The following ZNF701 variants were observed in gnomAD, a reference collection of about 807,000 sequenced individuals.
ZNF701 encodes zinc finger protein 701.
A neutral mutation model predicts 7.1 loss-of-function variants in ZNF701; 6 were observed. That is an observed-to-expected ratio of 0.84 (90% CI 0.46 to 1.66). The LOEUF (loss-of-function observed/expected upper bound fraction) is 1.66. Ranked by LOEUF, ZNF701 falls within the 40% of genes most tolerant of loss-of-function variation. The pLI is 0.01. For synonymous variants in ZNF701, 166 were observed against 188.2 expected (o/e 0.88, Z 0.97); for missense variants, 541 against 559.2 (o/e 0.97, Z 0.33).
chr19:52,597,264 G>T, the ZNF701 span: 1 of 547,648 alleles, frequency 1.8e-6, no homozygotes, highest in South Asian at 1.4e-5. Flanking sequence ...TCACAAGTGT[G>T]ATGATTGTGG....
At position 52,583,692 on chromosome 19, in the gene ZNF701, G is replaced by A. The variant is rs1388130236; in HGVS notation, c.*235G>A. On this transcript the variant is annotated 3_prime_UTR_variant, in exon 4 of 4. Coordinates refer to ENST00000391785, the MANE Select transcript of ZNF701 (RefSeq NM_018260.3). ...GGCCCAACATACTGGAATTCACACT[G>A]GAAAGGAACTGTACAAGTGTAATGA... is the stretch of plus-strand genomic sequence containing the variant. The A allele has an allele frequency of 1.5e-5, 13 of 887,156 alleles. No individual in the cohort carries two copies. Among genetic ancestry groups the A allele is most frequent in the Non-Finnish European group, 2.3e-5 (12 of 526,706 alleles). The allele number at this position is 887,156 out of a possible 1,614,324, so 55.0% of individuals were successfully genotyped here.
At chr19:52,597,539 G>A in the ZNF701 span, 1 of 369,310 alleles carries the variant, frequency 2.7e-6, no homozygotes, top group Non-Finnish European at 5.3e-6. Flanking sequence ...TTACATTAAA[G>A]TGTTTATGTT....
intron 3 of ZNF701, among the ~76,000 whole-genome samples, chr19:52,578,922 T>C (rs963147575): frequency 6.6e-6 from 1 of 150,960 alleles, no homozygotes; most frequent in Non-Finnish European, 1.5e-5. Context: ...CGCGCCTGGC[T>C]AATTTTTTTG....
chr19:52,578,797 G>T (rs192851189), intron 3 of ZNF701, among the ~76,000 whole-genome samples: 5 of 152,076 alleles, frequency 3.3e-5, no homozygotes, highest in South Asian at 4.1e-4. Context: ...TTGCTCTGTC[G>T]CCCAGGCTGG....
chr19:52,583,341 C>T lies in ZNF701; in HGVS notation c.1282C>T (p.His428Tyr). ...VFNHKSNLAC[H>Y]RRLHTGEKPY... ...TAATCACAAATCAAACCTTGCATGT[C>T]ATCGTAGACTTCATACTGGAGAGAA... is the stretch of plus-strand genomic sequence containing the variant. The change falls in exon 4 of 4, where the codon CAT (histidine) becomes TAT (tyrosine). Residue 428 changes from histidine to tyrosine, a missense_variant. His to Tyr is a moderately conservative substitution (Grantham distance 83). Coordinates refer to ENST00000391785, the MANE Select transcript of ZNF701 (RefSeq NM_018260.3). 1 of 1,604,554 alleles carries T rather than the reference C, an allele frequency of 6.2e-7. No homozygotes were observed. The highest frequency in any genetic ancestry group is 8.5e-7 in the Non-Finnish European group (1 of 1,172,078).
chr19:52,589,098 T>C (rs2060026744), downstream of ZNF701, among the ~76,000 whole-genome samples: 2 of 152,188 alleles, frequency 1.3e-5, no homozygotes, highest in South Asian at 4.1e-4. Context: ...TCTTTTTGGA[T>C]TTGCTATTTC....
rs1284621236 is a variant in ZNF701 at position 52,586,761 on chromosome 19, G to C, written c.*3304G>C. On this transcript the variant is annotated 3_prime_UTR_variant, in exon 4 of 4. Coordinates refer to ENST00000391785, the MANE Select transcript of ZNF701 (RefSeq NM_018260.3). ...AGAAAAGCTCAGTCAGAGTGACACT[G>C]ACCCCTGAAATGATGGGCACAATGG... is the stretch of plus-strand genomic sequence containing the variant. 1 of 152,196 alleles carries C rather than the reference G, an allele frequency of 6.6e-6. No homozygotes were observed. Among genetic ancestry groups the C allele is most frequent in the African/African-American group, 2.4e-5 (1 of 41,432 alleles). The allele number at this position is 152,196 out of a possible 1,614,324, so 9.4% of individuals were successfully genotyped here. A position where few individuals can be genotyped will look rare whatever the true frequency, so the allele number is the denominator to read the frequency against.
At chr19:52,575,681 C>G (rs1339597209) in intron 2 of ZNF701, 1 of 381,038 alleles carries the variant, frequency 2.6e-6, no homozygotes, top group South Asian at 2.1e-5. Flanking sequence ...TTATTTCTAA[C>G]GTAAGCAATT....
Position 52,582,893 on chromosome 19 carries a change from A to G in ZNF701, c.834A>G (p.Thr278=), listed in dbSNP as rs766413206. Residue 278 remains threonine, a synonymous_variant, in exon 4 of 4, where the codon ACA becomes ACG. Transcript: ENST00000391785. ...ACACGTGTAATGAGTGTGGCAAGAC[A>G]TTCAGTCACAATTCAGCCCTGTTAG... ...NPYTCNECGK[T]FSHNSALLVH... is the part of the protein sequence containing the mutation. 7.4e-6 allele frequency: 12 copies of G among 1,612,832 alleles called. No homozygotes were observed. The East Asian group carries it at 2.2e-4, about 30-fold the overall frequency.
intron 3 of ZNF701, among the ~76,000 whole-genome samples, chr19:52,578,303 C>T (rs980260295): frequency 4.8e-5 from 7 of 147,018 alleles, no homozygotes; most frequent in African/African-American, 1.5e-4. Flanking sequence ...AAAACGCTAA[C>T]GTATGCTGCC....
intron 1 of ZNF701, among the ~76,000 whole-genome samples, chr19:52,571,764 A>G (rs908068016): frequency 6.6e-6 from 1 of 150,852 alleles, no homozygotes; most frequent in African/African-American, 2.4e-5. Context: ...TTTGAGATGC[A>G]CTTTCGCTCT....
At chr19:52,574,228 G>A in intron 2 of ZNF701, 66 bp downstream of exon 2, 1 of 1,590,904 alleles carries the variant, frequency 6.3e-7, no homozygotes, top group South Asian at 1.1e-5. Context: ...CTTGGAGTTG[G>A]GAATCTTCTC....
the ZNF701 span, among the ~76,000 whole-genome samples, chr19:52,593,865 C>A: frequency 8.7e-6 from 1 of 114,886 alleles, no homozygotes; most frequent in Non-Finnish European, 1.9e-5. Context: ...CTCCTCACAT[C>A]CCAGACGATG....
the ZNF701 span, chr19:52,598,752 TAAAA>T: frequency 6.7e-6 from 1 of 150,194 alleles, no homozygotes; most frequent in Non-Finnish European, 1.5e-5. Flanking sequence ...CTACTAAAAA[TAAAA>T]AAAAACAGCC....
chr19:52,592,337 C>G, the ZNF701 span: 1 of 1,151,574 alleles, frequency 8.7e-7, no homozygotes, highest in East Asian at 2.4e-5. Context: ...TTTTCATGTA[C>G]ATGTCATTGT....
At chr19:52,596,557 CT>C in the ZNF701 span, 1 of 400,104 alleles carries the variant, frequency 2.5e-6, no homozygotes, top group South Asian at 1.9e-5. Flanking sequence ...TGTGGCAAGG[CT>C]TTTAGTAGAA....
chr19:52,577,497 C>CAATCATTATT (rs56906307), intron 3 of ZNF701, among the ~76,000 whole-genome samples: 113,744 of 149,410 alleles, frequency 0.76, 44,260 homozygotes, highest in African/African-American at 0.91. Context: ...GGACAATTAT[C>CAATCATTATT]AATCATTAGC....
chr19:52,585,615 AAC>A lies in ZNF701; in HGVS notation c.*2159_*2160del, dbSNP rs1568508273. The A allele has an allele frequency of 6.6e-6, 1 of 151,746 alleles. No individual in the cohort carries two copies. The highest frequency in any genetic ancestry group is 2.4e-5 in the African/African-American group (1 of 41,326). The allele number at this position is 151,746 out of a possible 1,614,324, so 9.4% of individuals were successfully genotyped here. A position where few individuals can be genotyped will look rare whatever the true frequency, so the allele number is the denominator to read the frequency against. On this transcript the variant is annotated 3_prime_UTR_variant, in exon 4 of 4. Transcript: ENST00000391785. ...AAGCGGCGAAAGCAGAAATTTACTC[AAC>A]CAAGAAAGCACCCCACAGGGTGGGG...
Position 52,582,712 on chromosome 19 carries a change from A to T in ZNF701, c.653A>T (p.Asn218Ile), listed in dbSNP as rs2059983730. 1 of 1,614,100 alleles carries T rather than the reference A, an allele frequency of 6.2e-7. No individual in the cohort carries two copies. Among genetic ancestry groups the T allele is most frequent in the South Asian group, 1.1e-5 (1 of 91,084 alleles). Residue 218 changes from asparagine to isoleucine, a missense_variant, in exon 4 of 4, where the codon AAT becomes ATT. Coordinates refer to ENST00000391785, the MANE Select transcript of ZNF701 (RefSeq NM_018260.3). ...VHTREKSFQR[N>I]ESGKAFNGSS... The stretch of plus-strand genomic sequence containing the variant: ...ACAAGAGAAAAATCTTTCCAACGTA[A>T]TGAGAGTGGCAAAGCCTTTAATGGT...
Sources: gnomAD v4.1 joint callset for allele counts (sites outside exome capture counted in the v4.1 genomes callset) on GRCh38, gnomAD v4.1.1 for gene constraint, MANE v1.5 for transcripts, NCBI Gene and HGNC (gene_info 2026-07-23, HGNC 2026-07-21) for gene names.